DCDC1: variants seen among roughly 807,000 people sequenced by gnomAD.
The protein encoded by DCDC1 is doublecortin domain containing 1.
Under a neutral mutation model 178.3 loss-of-function variants are expected in DCDC1, and 200 were observed. The observed-to-expected ratio is 1.12, with a 90% CI of 1.00 to 1.26. The LOEUF is 1.26. Among genes scored for constraint, DCDC1 ranks in the 50% most tolerant of loss-of-function variants. The pLI, the probability that DCDC1 is intolerant of heterozygous loss-of-function variation, is 0.00. For synonymous variants in DCDC1, 690 were observed against 604.8 expected (o/e 1.14, Z -2.07); for missense variants, 1,983 against 1,749.2 (o/e 1.13, Z -2.38).
chr11:31,030,667 C>A (rs1395897847), intron 20 of DCDC1, among the ~76,000 whole-genome samples: 1 of 152,152 alleles, frequency 6.6e-6, no homozygotes, highest in Non-Finnish European at 1.5e-5. Flanking sequence ...TCACCCTGAC[C>A]TCCACGGCTT....
chr11:31,038,328 CT>C, intron 20 of DCDC1, among the ~76,000 whole-genome samples: 1 of 152,014 alleles, frequency 6.6e-6, no homozygotes, highest in Admixed American at 6.6e-5. Flanking sequence ...TTTTTTCACT[CT>C]TTTGAGCACC....
At position 30,865,200 on chromosome 11, in the gene DCDC1, C is replaced by A. The variant is rs764345757; in HGVS notation, c.*173G>T. On this transcript the variant is annotated 3_prime_UTR_variant, in exon 39 of 39. Transcript: ENST00000684477. ...GATTTTTGAAGGATAAATTTTACGA[C>A]TAATTTTTTTTAATAAACTATGCAG... 6.6e-5 allele frequency: 10 copies of A among 152,068 alleles called. No homozygotes were observed. Among genetic ancestry groups the A allele is most frequent in the Non-Finnish European group, 1.5e-4 (10 of 68,012 alleles). The allele number at this position is 152,068 out of a possible 1,614,324, so 9.4% of individuals were successfully genotyped here.
intron 11 of DCDC1, among the ~76,000 whole-genome samples, chr11:31,114,853 G>T (rs1258836157): frequency 1.3e-5 from 2 of 152,128 alleles, no homozygotes; most frequent in South Asian, 2.1e-4. Flanking sequence ...GACTGTAGGA[G>T]GCAAAGGCAA....
At chr11:30,930,821 C>T (rs977231232) in intron 22 of DCDC1, among the ~76,000 whole-genome samples, 5 of 152,156 alleles carry the variant, frequency 3.3e-5, no homozygotes, top group African/African-American at 7.2e-5. Context: ...ATTACCCTCA[C>T]ATTTTACATC....
At chr11:30,884,045 T>TTTTTTTTTTTTTTTTTTTTA (rs1942944228) in intron 36 of DCDC1, among the ~76,000 whole-genome samples, 1 of 144,708 alleles carries the variant, frequency 6.9e-6, no homozygotes, top group African/African-American at 2.6e-5. Context: ...TTTTTTTTTT[T>TTTTTTTTTTTTTTTTTTTTA]TTTGAGACAG....
chr11:31,323,968 TA>T (rs1255249368), intron 3 of DCDC1, among the ~76,000 whole-genome samples: 1 of 152,040 alleles, frequency 6.6e-6, no homozygotes, highest in Non-Finnish European at 1.5e-5. Flanking sequence ...AAATGAGTAA[TA>T]AAAGTAAAAA....
At chr11:31,297,931 A>T (rs1243687348) in intron 6 of DCDC1, among the ~76,000 whole-genome samples, 3 of 152,116 alleles carry the variant, frequency 2.0e-5, no homozygotes, top group Non-Finnish European at 4.4e-5. Context: ...ATTGATTGAT[A>T]TCTCATGTCT....
At chr11:31,218,623 T>C (rs1973868522) in intron 9 of DCDC1, among the ~76,000 whole-genome samples, 1 of 152,200 alleles carries the variant, frequency 6.6e-6, no homozygotes, top group African/African-American at 2.4e-5. Flanking sequence ...AGCATAAATA[T>C]ACTTTTATAA....
chr11:31,341,844 C>CACA (rs3220039), intron 1 of DCDC1, among the ~76,000 whole-genome samples: 10 of 151,492 alleles, frequency 6.6e-5, no homozygotes, highest in African/African-American at 1.9e-4. Flanking sequence ...CACACACACA[C>CACA]ATTTTTTTTG....
chr11:31,051,981 A>G (rs971609617), intron 20 of DCDC1, among the ~76,000 whole-genome samples: 1 of 152,218 alleles, frequency 6.6e-6, no homozygotes, highest in African/African-American at 2.4e-5. Context: ...GCAAGATGAA[A>G]GCAATGGTAC....
intron 25 of DCDC1, among the ~76,000 whole-genome samples, chr11:30,919,834 T>C (rs908383035): frequency 5.3e-5 from 8 of 152,232 alleles, no homozygotes; most frequent in African/African-American, 1.9e-4. Flanking sequence ...TTTTATAATT[T>C]GGAAACACAT....
At chr11:31,293,600 CTG>C (rs141036687) in intron 6 of DCDC1, among the ~76,000 whole-genome samples, 2,844 of 152,286 alleles carry the variant, frequency 0.019, 89 homozygotes, top group African/African-American at 0.065. Flanking sequence ...CTGGCTGAAA[CTG>C]TCTCTTTCAC....
At chr11:31,108,550 A>G (rs1167790748) in intron 12 of DCDC1, among the ~76,000 whole-genome samples, 1 of 152,192 alleles carries the variant, frequency 6.6e-6, no homozygotes, top group African/African-American at 2.4e-5. Context: ...CCTTTTTATA[A>G]AAAGGAATGA....
chr11:31,109,863 A>T (rs534379085), intron 12 of DCDC1, among the ~76,000 whole-genome samples: 1 of 152,296 alleles, frequency 6.6e-6, no homozygotes, highest in South Asian at 2.1e-4. Context: ...CTTGCTCACA[A>T]TGAGCAGGGA....
intron 3 of DCDC1, among the ~76,000 whole-genome samples, chr11:31,326,014 T>A (rs1949626298): frequency 6.6e-6 from 1 of 152,122 alleles, no homozygotes; most frequent in African/African-American, 2.4e-5. Context: ...CCCTTTCAGA[T>A]TGAAACTCAT....
chr11:30,911,530 A>G, intron 27 of DCDC1, 110 bp from the exon 28 acceptor site: 1 of 772,250 alleles, frequency 1.3e-6, no homozygotes, highest in East Asian at 2.7e-5. Context: ...CTCTGTAATA[A>G]TGAATGTGAA....
intron 17 of DCDC1, among the ~76,000 whole-genome samples, chr11:31,090,727 T>A (rs1269439059): frequency 6.6e-6 from 1 of 152,204 alleles, no homozygotes; most frequent in Non-Finnish European, 1.5e-5. Flanking sequence ...CCTAAGCATA[T>A]CCTAAGTGCC....
chr11:31,328,138 T>G lies in DCDC1; in HGVS notation c.143A>C (p.Tyr48Ser). 6.2e-7 allele frequency: 1 copy of G among 1,606,424 alleles called. No homozygotes were observed. ...DGNTVNPIYKYILNDLPREFM... is the reference protein window; with the variant it reads ...DGNTVNPIYKSILNDLPREFM... ...TTACCTTGGTAAATCATTCAAAATA[T>G]ATTTGTAAATTGGGTTTACAGTATT... The change falls in exon 3 of 39, where the codon TAT becomes TCT. Residue 48 changes from tyrosine (Y) to serine (S), a missense_variant. Physicochemically the swap from Tyr to Ser is moderately radical, Grantham distance 144 (BLOSUM62 -2). Coordinates refer to ENST00000684477, the MANE Select transcript of DCDC1 (RefSeq NM_001387274.1).
intron 36 of DCDC1, among the ~76,000 whole-genome samples, chr11:30,890,828 G>GGTA (rs1943709867): frequency 6.6e-6 from 1 of 151,926 alleles, no homozygotes; most frequent in Admixed American, 6.6e-5. Context: ...ATTTCAAAAA[G>GGTA]GTAGTTTTGA....
Sources: gnomAD v4.1 joint callset for allele counts (sites outside exome capture counted in the v4.1 genomes callset) on GRCh38, gnomAD v4.1.1 for gene constraint, MANE v1.5 for transcripts, NCBI Gene and HGNC (gene_info 2026-07-23, HGNC 2026-07-21) for gene names.